Variants in SNX1 observed in about 807,000 individuals in gnomAD.
The protein encoded by SNX1 is sorting nexin 1.
A neutral mutation model predicts 71.8 loss-of-function variants in SNX1; 36 were observed. That is an observed-to-expected ratio of 0.50 (90% CI 0.38 to 0.66). The LOEUF (loss-of-function observed/expected upper bound fraction) is 0.66, where lower values mean the gene tolerates loss of function less well. SNX1 is among the 30% of genes least tolerant of loss of function. The pLI, the probability that SNX1 is intolerant of heterozygous loss-of-function variation, is 0.00. For missense variants in SNX1, 612 were observed against 646.7 expected, an observed-to-expected ratio of 0.95 and a Z score of 0.58; for synonymous variants, 254 against 240.7, an observed-to-expected ratio of 1.06 and a Z score of -0.51.
intron 10 of SNX1, 80 bp from the exon 11 acceptor site, chr15:64,131,607 A>T: frequency 7.2e-7 from 1 of 1,386,840 alleles, no homozygotes; most frequent in African/African-American, 1.4e-5. Context: ...CATTGCTAAG[A>T]CATGCCATGC....
intron 1 of SNX1, among the ~76,000 whole-genome samples, chr15:64,099,525 G>T (rs1263842099): frequency 1.3e-5 from 2 of 152,174 alleles, no homozygotes; most frequent in African/African-American, 2.4e-5. Context: ...GGTGGCATAA[G>T]CCTGTAGTCC....
chr15:64,138,035 TGC>T lies in SNX1; in HGVS notation c.*418_*419del. ...CATGACTCAGAATGTTGGTGGTTTT[TGC>T]TTAGGCTGGGGAGCAGTTGGGAATC... On this transcript the variant is annotated 3_prime_UTR_variant, in exon 15 of 15. Coordinates refer to ENST00000559844, the MANE Select transcript of SNX1 (RefSeq NM_003099.5). The T allele has an allele frequency of 6.6e-7, 1 of 1,513,356 alleles. No individual in the cohort carries two copies. Among genetic ancestry groups the T allele is most frequent in the South Asian group, 1.3e-5 (1 of 79,362 alleles). 93.7% of individuals were successfully genotyped at this position (1,513,356 alleles called of 1,614,324 possible).
intron 1 of SNX1, among the ~76,000 whole-genome samples, chr15:64,097,204 C>G (rs1056091703): frequency 6.6e-6 from 1 of 152,258 alleles, no homozygotes; most frequent in Non-Finnish European, 1.5e-5. Context: ...TGCGGCCAGT[C>G]TAAGGCACTC....
intron 1 of SNX1, among the ~76,000 whole-genome samples, chr15:64,107,426 G>C (rs910549137): frequency 2.6e-5 from 4 of 152,196 alleles, no homozygotes; most frequent in Non-Finnish European, 5.9e-5. Flanking sequence ...GTAGTGAATG[G>C]CTTCGTCAGC....
chr15:64,135,660 G>A (rs1401732246), intron 12 of SNX1, among the ~76,000 whole-genome samples: 3 of 151,408 alleles, frequency 2.0e-5, no homozygotes, highest in Non-Finnish European at 2.9e-5. Flanking sequence ...TCAGGAGGCT[G>A]AGGCAGGAGA....
chr15:64,125,938 C>A (rs1567327999), intron 5 of SNX1, 141 bp from the exon 6 acceptor site: 1 of 857,336 alleles, frequency 1.2e-6, no homozygotes, highest in Non-Finnish European at 1.9e-6. Flanking sequence ...TTAAGACTCT[C>A]TGCCTTGGAG....
At chr15:64,117,927 C>T (rs938438743) in intron 2 of SNX1, among the ~76,000 whole-genome samples, 190 bp from the exon 3 acceptor site, 2 of 152,306 alleles carry the variant, frequency 1.3e-5, no homozygotes, top group Admixed American at 1.3e-4. Flanking sequence ...TTCTACTAAG[C>T]CTGTGCTAGA....
intron 1 of SNX1, among the ~76,000 whole-genome samples, chr15:64,098,542 A>T (rs1337052793): frequency 6.6e-6 from 1 of 152,080 alleles, no homozygotes; most frequent in Non-Finnish European, 1.5e-5. Flanking sequence ...AAAATACAAA[A>T]ATTATCTGGG....
intron 11 of SNX1, among the ~76,000 whole-genome samples, chr15:64,132,607 A>G (rs1483042963): frequency 6.6e-6 from 1 of 152,192 alleles, no homozygotes; most frequent in Admixed American, 6.5e-5. Flanking sequence ...AGAGGAAAGA[A>G]CCAAGAGGAA....
rs1400560959 is a variant in SNX1, at chr15:64,138,206, A to G, written c.*588A>G. 9 of 1,520,336 alleles carry G rather than the reference A, an allele frequency of 5.9e-6. No homozygotes were observed. The highest frequency in any genetic ancestry group is 4.3e-5 in the Admixed American group (2 of 46,040). The allele number at this position is 1,520,336 out of a possible 1,614,324, so 94.2% of individuals were successfully genotyped here. ...TCAGCTACCTGTTCTGAGGGTCTCA[A>G]TCTGTTTCGTATTCCCACTTCTTTA... is the stretch of plus-strand genomic sequence containing the variant. On this transcript the variant is annotated 3_prime_UTR_variant, in exon 15 of 15. Coordinates refer to ENST00000559844, the MANE Select transcript of SNX1 (RefSeq NM_003099.5).
At chr15:64,104,326 G>A (rs1364416846) in intron 1 of SNX1, among the ~76,000 whole-genome samples, 1 of 143,340 alleles carries the variant, frequency 7.0e-6, no homozygotes, top group Admixed American at 7.1e-5. Flanking sequence ...CAGCTGGAGT[G>A]CAGTGGCGCG....
chr15:64,127,118 G>T (rs1466513962), intron 6 of SNX1, 56 bp from the exon 7 acceptor site: 6 of 1,336,104 alleles, frequency 4.5e-6, no homozygotes, highest in Admixed American at 1.9e-5. Context: ...AAAAAAAAAA[G>T]ATTTATCCTC....
Position 64,137,891 on chromosome 15 carries a change from T to C in SNX1, c.*273T>C. 1.1e-5 allele frequency: 16 copies of C among 1,405,202 alleles called. No individual in the cohort carries two copies. Among genetic ancestry groups the C allele is most frequent in the Non-Finnish European group, 1.4e-5 (15 of 1,084,846 alleles). The allele number at this position is 1,405,202 out of a possible 1,614,324, so 87.0% of individuals were successfully genotyped here. A position where few individuals can be genotyped will look rare whatever the true frequency, so the allele number is the denominator to read the frequency against. ...GGATGGGGTGGAGTATTGATATAAATATATAAATACAAATGTATATTTTTC... is the reference window on the plus strand; with the variant it reads ...GGATGGGGTGGAGTATTGATATAAACATATAAATACAAATGTATATTTTTC... On this transcript the variant is annotated 3_prime_UTR_variant, in exon 15 of 15. Transcript: ENST00000559844.
At chr15:64,131,316 CTT>C (rs1460970103) in intron 10 of SNX1, among the ~76,000 whole-genome samples, 2 of 152,194 alleles carry the variant, frequency 1.3e-5, no homozygotes, top group Non-Finnish European at 1.5e-5. Flanking sequence ...TGTATTCACT[CTT>C]CTCTCTTGTA....
intron 1 of SNX1, among the ~76,000 whole-genome samples, chr15:64,109,372 C>T (rs188201196): frequency 3.2e-4 from 48 of 152,214 alleles, no homozygotes; most frequent in Admixed American, 2.8e-3. Flanking sequence ...GAAAAATGCA[C>T]ACCTAAGTAA....
At position 64,138,201 on chromosome 15, in the gene SNX1, T is replaced by C; in HGVS notation, c.*583T>C. Reference sequence around the variant, plus strand: ...CTACCTCAGCTACCTGTTCTGAGGGTCTCAATCTGTTTCGTATTCCCACTT... The same window carrying C: ...CTACCTCAGCTACCTGTTCTGAGGGCCTCAATCTGTTTCGTATTCCCACTT... On this transcript the variant is annotated 3_prime_UTR_variant, in exon 15 of 15. Transcript: ENST00000559844. 6.6e-7 allele frequency: 1 copy of C among 1,522,340 alleles called. No homozygotes were observed. Among genetic ancestry groups the C allele is most frequent in the Non-Finnish European group, 8.7e-7 (1 of 1,143,402 alleles). 94.3% of individuals were successfully genotyped at this position (1,522,340 alleles called of 1,614,324 possible).
chr15:64,121,270 C>T (rs1243366087), intron 4 of SNX1, among the ~76,000 whole-genome samples: 1 of 152,176 alleles, frequency 6.6e-6, no homozygotes, highest in Admixed American at 6.5e-5. Flanking sequence ...ACAGAAATTT[C>T]TCACAGTTTT....
chr15:64,117,637 A>G (rs1397351471), intron 2 of SNX1, among the ~76,000 whole-genome samples: 1 of 152,130 alleles, frequency 6.6e-6, no homozygotes, highest in Non-Finnish European at 1.5e-5. Flanking sequence ...AAATTGACAG[A>G]CTAAATTAGC....
rs556850274 is a variant in SNX1, at chr15:64,118,931, A to AC, written c.466+82dup. 2.3e-4 allele frequency: 251 copies of AC among 1,101,072 alleles called. 3 individuals carry two copies. The South Asian group carries it at 3.1e-3, about 13-fold the overall frequency. 68.2% of individuals were successfully genotyped at this position (1,101,072 alleles called of 1,614,324 possible). The stretch of plus-strand genomic sequence containing the variant: ...ATAGGTAGCTAATTTCAGGATGGCT[A>AC]CCCCCAGAGTTGAACTAGCCAATGT... On this transcript the variant is annotated intron_variant, in intron 4 of 14. Coordinates refer to ENST00000559844, the MANE Select transcript of SNX1 (RefSeq NM_003099.5).
Sources: gnomAD v4.1 joint callset for allele counts (sites outside exome capture counted in the v4.1 genomes callset) on GRCh38, gnomAD v4.1.1 for gene constraint, MANE v1.5 for transcripts, NCBI Gene and HGNC (gene_info 2026-07-23, HGNC 2026-07-21) for gene names.